Variants in TBCA observed in about 807,000 individuals in gnomAD.
TBCA encodes the protein tubulin folding cofactor A.
In TBCA, 6 loss-of-function variants were observed where a neutral mutation model predicts 15.8. The ratio of observed to expected loss-of-function variants is 0.38; its 90% CI spans 0.21 to 0.75. The LOEUF is 0.75. Among genes scored for constraint, TBCA ranks in the 30% least tolerant of loss-of-function variants. The probability of loss-of-function intolerance (pLI) is 0.46; values close to 1 mark genes in which losing one functional copy is unlikely to be tolerated. For synonymous variants in TBCA, 32 were observed against 42.3 expected (o/e 0.76, Z 0.94); for missense variants, 90 against 131.2 (o/e 0.69, Z 1.53).
intron 2 of TBCA, among the ~76,000 whole-genome samples, chr5:77,701,521 C>G (rs1038785034): frequency 6.6e-6 from 1 of 151,536 alleles, no homozygotes; most frequent in African/African-American, 2.4e-5. Context: ...GTAGGACTAC[C>G]ATTTGATCCA....
intron 1 of TBCA, among the ~76,000 whole-genome samples, chr5:77,749,167 C>T (rs1013061134): frequency 6.6e-6 from 1 of 152,104 alleles, no homozygotes; most frequent in Non-Finnish European, 1.5e-5. Context: ...ATGAGAACCG[C>T]GAGAGATCAC....
chr5:77,743,339 G>A (rs971667203), intron 1 of TBCA, among the ~76,000 whole-genome samples: 6 of 152,206 alleles, frequency 3.9e-5, no homozygotes, highest in African/African-American at 1.4e-4. Context: ...AGTCCCTGGA[G>A]AAATGGACAT....
At chr5:77,728,434 C>A (rs1330390626) in intron 1 of TBCA, among the ~76,000 whole-genome samples, 1 of 151,912 alleles carries the variant, frequency 6.6e-6, no homozygotes, top group Non-Finnish European at 1.5e-5. Context: ...AAGGAGAAAC[C>A]AGTATTATAA....
At chr5:77,716,072 C>A (rs528245102) in intron 1 of TBCA, among the ~76,000 whole-genome samples, 10 of 152,216 alleles carry the variant, frequency 6.6e-5, no homozygotes, top group African/African-American at 2.4e-4. Flanking sequence ...TACTTTTGAT[C>A]CTATTTAAGT....
rs1259047277 is a variant in TBCA, at chr5:77,761,518, T to C, written c.53+14687A>G. Among the ~76,000 whole-genome samples, 4 of 151,980 alleles carry C rather than the reference T, an allele frequency of 2.6e-5. No individual in the cohort carries two copies. The East Asian group carries it at 7.7e-4, about 29-fold the overall frequency. Reference sequence around the variant, plus strand: ...CACTGTGGAAGGCCACAGGGACGTCTGCCTAGGAAAACCAGAGACCTTTGT... The same window carrying C: ...CACTGTGGAAGGCCACAGGGACGTCCGCCTAGGAAAACCAGAGACCTTTGT... On this transcript the variant is annotated intron_variant, in intron 1 of 3. Transcript: ENST00000380377.
intron 1 of TBCA, among the ~76,000 whole-genome samples, chr5:77,720,318 T>C (rs1209526701): frequency 6.6e-6 from 1 of 152,092 alleles, no homozygotes; most frequent in East Asian, 1.9e-4. Context: ...ATACAATTAC[T>C]AGATAAAGTA....
intron 1 of TBCA, among the ~76,000 whole-genome samples, chr5:77,756,631 A>G (rs1347980449): frequency 1.4e-4 from 14 of 100,608 alleles, no homozygotes; most frequent in African/African-American, 3.5e-4. Context: ...CCTAAGAGGA[A>G]AAAAAAAAAA....
chr5:77,760,368 G>A (rs141088256), intron 1 of TBCA, among the ~76,000 whole-genome samples: 1 of 152,104 alleles, frequency 6.6e-6, no homozygotes, highest in East Asian at 1.9e-4. Context: ...AATACTCTAC[G>A]GCCCTCCCTT....
At chr5:77,694,773 C>T (rs1745836609) in intron 2 of TBCA, among the ~76,000 whole-genome samples, 1 of 152,076 alleles carries the variant, frequency 6.6e-6, no homozygotes, top group African/African-American at 2.4e-5. Flanking sequence ...TTTGTCAGAG[C>T]TCATATTGAA....
At chr5:77,710,364 TATA>T (rs1334434728) in intron 1 of TBCA, among the ~76,000 whole-genome samples, 152 of 152,312 alleles carry the variant, frequency 1.0e-3, no homozygotes, top group African/African-American at 3.3e-3. Flanking sequence ...TACTTTGAGA[TATA>T]ATATTTTAAA....
intron 1 of TBCA, among the ~76,000 whole-genome samples, chr5:77,716,490 A>C (rs1430719838): frequency 6.6e-6 from 1 of 152,232 alleles, no homozygotes; most frequent in African/African-American, 2.4e-5. Context: ...AAAGCAGCTA[A>C]CAACAAACTG....
Position 77,766,460 on chromosome 5 carries a change from TTC to T in TBCA, c.53+9743_53+9744del, listed in dbSNP as rs1220948930. Among the ~76,000 whole-genome samples the T allele has an allele frequency of 2.2e-4, 34 of 152,054 alleles. 1 individual carries two copies. Among genetic ancestry groups the T allele is most frequent in the Non-Finnish European group, 3.5e-4 (24 of 67,990 alleles). ...GTGGTTATTACTTAACAGCGGTTGT[TTC>T]TCTTTTTTCTCCATTTCTAAGTCTC... On this transcript the variant is annotated intron_variant, in intron 1 of 3. Transcript: ENST00000380377.
intron 1 of TBCA, among the ~76,000 whole-genome samples, chr5:77,712,770 G>A (rs745851937): frequency 2.6e-5 from 4 of 152,088 alleles, no homozygotes; most frequent in African/African-American, 4.8e-5. Context: ...GAATAGTTAC[G>A]TTTCACTGCA....
At chr5:77,766,788 C>T (rs1487478604) in intron 1 of TBCA, among the ~76,000 whole-genome samples, 1 of 22,182 alleles carries the variant, frequency 4.5e-5, no homozygotes, top group Admixed American at 4.8e-4. Context: ...TGAGCCACCG[C>T]GCCCGGCTCT....
intron 1 of TBCA, among the ~76,000 whole-genome samples, chr5:77,769,136 T>C (rs1747846887): frequency 6.6e-6 from 1 of 152,142 alleles, no homozygotes; most frequent in African/African-American, 2.4e-5. Flanking sequence ...ACTTGCCAAG[T>C]AGTTAACAGA....
At chr5:77,761,898 A>G (rs1747651842) in intron 1 of TBCA, among the ~76,000 whole-genome samples, 1 of 152,250 alleles carries the variant, frequency 6.6e-6, no homozygotes, top group African/African-American at 2.4e-5. Context: ...GTTACATGGG[A>G]AAGTTTAATA....
intron 1 of TBCA, among the ~76,000 whole-genome samples, chr5:77,757,469 T>A (rs1018058594): frequency 6.6e-6 from 1 of 152,154 alleles, no homozygotes; most frequent in Non-Finnish European, 1.5e-5. Flanking sequence ...GCCTTCCTTG[T>A]TGGAAGCAAG....
At chr5:77,716,025 T>C (rs1426012453) in intron 1 of TBCA, among the ~76,000 whole-genome samples, 1 of 152,194 alleles carries the variant, frequency 6.6e-6, no homozygotes, top group Non-Finnish European at 1.5e-5. Context: ...TTGAGGGCCT[T>C]ATATGAACAG....
rs535610127 is a variant in TBCA at position 77,751,032 on chromosome 5, A to G, written c.53+25173T>C. On this transcript the variant is annotated intron_variant, in intron 1 of 3. Transcript: ENST00000380377. ...ATGCAGATGAAGCCTCCAGGTAGCA[A>G]GCTTCAGAGAAAATAGACTGTAATT... Among the ~76,000 whole-genome samples, 423 of 152,288 alleles carry G rather than the reference A, an allele frequency of 2.8e-3. 1 individual carries two copies. Among genetic ancestry groups the G allele is most frequent in the Non-Finnish European group, 4.7e-3 (321 of 68,010 alleles).
Sources: gnomAD v4.1 joint callset for allele counts (sites outside exome capture counted in the v4.1 genomes callset) on GRCh38, gnomAD v4.1.1 for gene constraint, MANE v1.5 for transcripts, NCBI Gene and HGNC (gene_info 2026-07-23, HGNC 2026-07-21) for gene names.